The following MECOM variants were observed in gnomAD, a reference collection of about 807,000 sequenced individuals.
MECOM encodes the protein MDS1 and EVI1 complex locus, also known as histone-lysine N-methyltransferase MECOM.
A neutral mutation model predicts 116.3 loss-of-function variants in MECOM; 13 were observed. That is an observed-to-expected ratio of 0.11 (90% CI 0.07 to 0.18). MECOM has a LOEUF of 0.18. Among genes scored for constraint, MECOM ranks in the 10% least tolerant of loss-of-function variants. The pLI is 1.00. For synonymous variants in MECOM, 528 were observed against 535.2 expected (o/e 0.99, Z 0.19); for missense variants, 1,299 against 1,509.0 (o/e 0.86, Z 2.31).
chr3:169,313,555 A>C (rs1386061547), intron 2 of MECOM, among the ~76,000 whole-genome samples: 1 of 152,234 alleles, frequency 6.6e-6, no homozygotes, highest in African/African-American at 2.4e-5. Context: ...GAGCAAGGAC[A>C]CCAAGGACAG....
At position 169,127,277 on chromosome 3, in the gene MECOM, A is replaced by G. The variant is rs139311670; in HGVS notation, c.830+567T>C. Among the ~76,000 whole-genome samples the G allele has an allele frequency of 2.1e-3, 326 of 152,240 alleles. 1 individual carries two copies. The highest frequency in any genetic ancestry group is 7.6e-3 in the African/African-American group (315 of 41,586). On this transcript the variant is annotated intron_variant, in intron 5 of 16. Transcript: ENST00000651503. ...TTTTATTGTGTTAAAAATAAGTGTT[A>G]AAGAATTACTTCATTTACGTTATTG...
intron 2 of MECOM, among the ~76,000 whole-genome samples, chr3:169,340,273 C>G (rs1421584405): frequency 1.3e-5 from 2 of 152,094 alleles, no homozygotes; most frequent in Non-Finnish European, 1.5e-5. Flanking sequence ...ATCATAGGAG[C>G]CTTATCTACG....
At chr3:169,333,356 T>C (rs1331130500) in intron 2 of MECOM, among the ~76,000 whole-genome samples, 1 of 152,144 alleles carries the variant, frequency 6.6e-6, no homozygotes, top group Non-Finnish European at 1.5e-5. Context: ...AAATAGCCAC[T>C]GTATTTTAGG....
chr3:169,328,853 G>A (rs1226147572), intron 2 of MECOM, among the ~76,000 whole-genome samples: 1 of 152,128 alleles, frequency 6.6e-6, no homozygotes, highest in African/African-American at 2.4e-5. Context: ...GATTGTCAGA[G>A]CTTCTAAAAT....
intron 1 of MECOM, among the ~76,000 whole-genome samples, chr3:169,454,606 A>G (rs1746175650): frequency 6.6e-6 from 1 of 152,170 alleles, no homozygotes; most frequent in South Asian, 2.1e-4. Flanking sequence ...ATCTTACACT[A>G]AAGTTCATGA....
chr3:169,616,162 T>C (rs1577122932), intron 1 of MECOM, among the ~76,000 whole-genome samples: 1 of 152,162 alleles, frequency 6.6e-6, no homozygotes, highest in East Asian at 1.9e-4. Context: ...TGCTGCCTGC[T>C]TGGGGACAAT....
Position 169,663,463 on chromosome 3 carries a change from C to T in MECOM, c.-91G>A. On this transcript the variant is annotated 5_prime_UTR_variant, in exon 1 of 17. Transcript: ENST00000651503. ...TTTTGCTCTCCCTCTCGCTCCCTCC[C>T]TCTCTCTCCTGTCTCTCTCTCTCTC... is the stretch of plus-strand genomic sequence containing the variant. 2 of 1,264,478 alleles carry T rather than the reference C, an allele frequency of 1.6e-6. No homozygotes were observed. Among genetic ancestry groups the T allele is most frequent in the Admixed American group, 4.0e-5 (2 of 50,130 alleles). The allele number at this position is 1,264,478 out of a possible 1,614,324, so 78.3% of individuals were successfully genotyped here.
intron 6 of MECOM, among the ~76,000 whole-genome samples, chr3:169,121,488 C>T (rs1731012077): frequency 6.6e-6 from 1 of 152,056 alleles, no homozygotes; most frequent in Non-Finnish European, 1.5e-5. Context: ...CTTTTTGATA[C>T]CATTTAGAGT....
At chr3:169,566,007 T>C (rs148151653) in intron 1 of MECOM, 4 of 434,956 alleles carry the variant, frequency 9.2e-6, no homozygotes, top group Admixed American at 5.1e-5. Flanking sequence ...AAACTTACAA[T>C]TGTGGTGGAA....
intron 1 of MECOM, among the ~76,000 whole-genome samples, chr3:169,512,033 G>A (rs2109029854): frequency 6.6e-6 from 1 of 152,242 alleles, no homozygotes; most frequent in South Asian, 2.1e-4. Flanking sequence ...TTATTTAACT[G>A]CTTGGGCCTC....
intron 2 of MECOM, among the ~76,000 whole-genome samples, chr3:169,322,992 T>A: frequency 1.5e-5 from 1 of 67,866 alleles, no homozygotes; most frequent in African/African-American, 6.7e-5. Context: ...AGAGCAAGAC[T>A]CCGGTAAAAA....
At chr3:169,204,160 T>C (rs761500656) in intron 2 of MECOM, among the ~76,000 whole-genome samples, 66 of 152,326 alleles carry the variant, frequency 4.3e-4, no homozygotes, top group Middle Eastern at 6.8e-3. Context: ...GTTTTCCCCA[T>C]GAAGGTTACC....
chr3:169,159,069 G>T (rs969999833), intron 2 of MECOM, among the ~76,000 whole-genome samples: 2 of 152,150 alleles, frequency 1.3e-5, no homozygotes, highest in Non-Finnish European at 2.9e-5. Context: ...GAGGTAGGAA[G>T]TTTTCTTCCT....
In MECOM at chr3:169,615,382, A is replaced by G. The variant is rs537218205; in HGVS notation, c.37+47954T>C. ...GAACATATGAATTTGATACTTTGAGAACTAAATTAAAAGTTATTTCTACTA... is the reference window on the plus strand; with the variant it reads ...GAACATATGAATTTGATACTTTGAGGACTAAATTAAAAGTTATTTCTACTA... On this transcript the variant is annotated intron_variant, in intron 1 of 16. Transcript: ENST00000651503. Among the ~76,000 whole-genome samples, 13 of 152,388 alleles carry G rather than the reference A, an allele frequency of 8.5e-5. No individual in the cohort carries two copies. In the South Asian group the frequency reaches 2.7e-3, roughly 32 times the overall value.
At chr3:169,501,111 A>G (rs1754471066) in intron 1 of MECOM, among the ~76,000 whole-genome samples, 1 of 152,020 alleles carries the variant, frequency 6.6e-6, no homozygotes, top group Non-Finnish European at 1.5e-5. Flanking sequence ...AGGCCCCTCC[A>G]GATTTAATAA....
At chr3:169,494,181 G>T (rs148520837) in intron 1 of MECOM, among the ~76,000 whole-genome samples, 1 of 151,976 alleles carries the variant, frequency 6.6e-6, no homozygotes, top group African/African-American at 2.4e-5. Context: ...TAAAACAGGG[G>T]ACAATCTCAG....
At chr3:169,189,156 T>A (rs1421301889) in intron 2 of MECOM, among the ~76,000 whole-genome samples, 1 of 152,076 alleles carries the variant, frequency 6.6e-6, no homozygotes, top group African/African-American at 2.4e-5. Flanking sequence ...GCCTTATAGA[T>A]CATTAAGACC....
At chr3:169,137,129 T>G (rs1167739846) in intron 3 of MECOM, among the ~76,000 whole-genome samples, 1 of 152,094 alleles carries the variant, frequency 6.6e-6, no homozygotes, top group Non-Finnish European at 1.5e-5. Context: ...TATACCTTCA[T>G]TCAATATACT....
chr3:169,090,489 G>A (rs1298460253), intron 14 of MECOM, among the ~76,000 whole-genome samples: 5 of 151,840 alleles, frequency 3.3e-5, no homozygotes, highest in African/African-American at 4.8e-5. Context: ...AAACAATCTT[G>A]GTCTCCCATT....
Sources: allele counts gnomAD v4.1 joint callset (sites outside exome capture counted in the v4.1 genomes callset), GRCh38; gene constraint gnomAD v4.1.1; transcripts MANE v1.5; gene names NCBI Gene and HGNC (gene_info 2026-07-23, HGNC 2026-07-21).